Variants in TCF7L2 observed in about 807,000 individuals in gnomAD.
TCF7L2 encodes the protein transcription factor 7-like 2.
A neutral mutation model predicts 77.9 loss-of-function variants in TCF7L2; 23 were observed. The observed-to-expected ratio is 0.30, with a 90% CI of 0.21 to 0.42. The LOEUF is 0.42. Ranked by LOEUF, TCF7L2 falls within the 10% of genes least tolerant of loss-of-function variation. The pLI is 1.00. For synonymous variants in TCF7L2, 413 were observed against 340.2 expected (o/e 1.21, Z -2.36); for missense variants, 654 against 793.1 (o/e 0.82, Z 2.11).
At chr10:113,038,032 C>T (rs1159768834) in intron 4 of TCF7L2, among the ~76,000 whole-genome samples, 1 of 152,138 alleles carries the variant, frequency 6.6e-6, no homozygotes, top group Non-Finnish European at 1.5e-5. Flanking sequence ...GCCTGGGTTA[C>T]AGATGGAGAC....
chr10:113,103,700 A>G (rs1005587355), intron 5 of TCF7L2, among the ~76,000 whole-genome samples: 1 of 152,154 alleles, frequency 6.6e-6, no homozygotes, highest in African/African-American at 2.4e-5. Flanking sequence ...TTTCGTACTT[A>G]TTAATGGTAT....
chr10:113,024,190 C>G (rs1027535836), intron 4 of TCF7L2, among the ~76,000 whole-genome samples: 1 of 151,932 alleles, frequency 6.6e-6, no homozygotes, highest in African/African-American at 2.4e-5. Context: ...CCCAGCTACT[C>G]AAGAAGATGA....
chr10:113,014,103 G>C (rs2046927710), intron 4 of TCF7L2, among the ~76,000 whole-genome samples: 1 of 152,216 alleles, frequency 6.6e-6, no homozygotes, highest in South Asian at 2.1e-4. Flanking sequence ...CGCACCAAGG[G>C]CATGTGCCTC....
chr10:113,140,182 A>G (rs989503295), intron 5 of TCF7L2, among the ~76,000 whole-genome samples: 1 of 152,058 alleles, frequency 6.6e-6, no homozygotes, highest in Admixed American at 6.6e-5. Context: ...CGCTTGTTTC[A>G]GCTTAATTTT....
intron 4 of TCF7L2, among the ~76,000 whole-genome samples, chr10:112,972,918 C>T (rs2038595071): frequency 6.6e-6 from 1 of 152,152 alleles, no homozygotes; most frequent in Admixed American, 6.5e-5. Context: ...GATTCAAACC[C>T]AGACAGTGTG....
At chr10:113,086,811 G>A (rs1339533645) in intron 5 of TCF7L2, among the ~76,000 whole-genome samples, 1 of 151,582 alleles carries the variant, frequency 6.6e-6, no homozygotes, top group Non-Finnish European at 1.5e-5. Context: ...AAAAGATTCT[G>A]TAGTTGTATA....
intron 5 of TCF7L2, among the ~76,000 whole-genome samples, chr10:113,046,891 G>A (rs536914787): frequency 2.0e-5 from 3 of 152,082 alleles, no homozygotes; most frequent in Non-Finnish European, 4.4e-5. Flanking sequence ...ATTTATATTT[G>A]TTTTTAACAT....
intron 5 of TCF7L2, among the ~76,000 whole-genome samples, chr10:113,107,752 TAAAAAAA>T (rs398014821): frequency 1.8e-3 from 102 of 55,266 alleles, no homozygotes; most frequent in Admixed American, 0.014. Flanking sequence ...AGACTCCGTC[TAAAAAAA>T]AAAAAAAAAA....
chr10:113,078,901 C>T (rs1342361809), intron 5 of TCF7L2, among the ~76,000 whole-genome samples: 3 of 151,322 alleles, frequency 2.0e-5, no homozygotes, highest in Non-Finnish European at 4.4e-5. Context: ...GGTGTGATTT[C>T]ATCTCACTGC....
Position 112,950,746 on chromosome 10 carries a change from GT to G in TCF7L2, c.-10del, listed in dbSNP as rs1185049370. On this transcript the variant is annotated 5_prime_UTR_variant, in exon 1 of 14. Coordinates refer to ENST00000627217, the MANE Select transcript of TCF7L2 (RefSeq NM_001146274.2). Reference sequence around the variant, plus strand: ...TTTCTTCCAAAATTGCTGCTGGTGGGTGAAAAAAAAATGCCGCAGCTGAACG... The same window carrying G: ...TTTCTTCCAAAATTGCTGCTGGTGGGGAAAAAAAAATGCCGCAGCTGAACG... The G allele has an allele frequency of 6.4e-7, 1 of 1,550,470 alleles. No homozygotes were observed. Among genetic ancestry groups the G allele is most frequent in the Non-Finnish European group, 8.7e-7 (1 of 1,148,514 alleles).
intron 3 of TCF7L2, among the ~76,000 whole-genome samples, chr10:112,963,513 G>T (rs902660665): frequency 2.0e-5 from 3 of 152,202 alleles, no homozygotes; most frequent in Non-Finnish European, 4.4e-5. Context: ...TTGCAAGGAG[G>T]GGAAATGGAC....
chr10:113,126,633 A>G (rs1006441547), intron 5 of TCF7L2: 3 of 984,604 alleles, frequency 3.0e-6, no homozygotes, highest in Non-Finnish European at 3.6e-6. Context: ...GATCCCAGTT[A>G]TTGTGCTCTT....
At position 113,069,735 on chromosome 10, in the gene TCF7L2, C is replaced by T. The variant is rs552432273; in HGVS notation, c.552+29609C>T. 6.6e-5 allele frequency among the ~76,000 whole-genome samples: 10 copies of T among 152,262 alleles called. No homozygotes were observed. The East Asian group carries it at 7.7e-4, about 12-fold the overall frequency. Reference sequence around the variant, plus strand: ...TACAGTGTATTCATTGAGGGCCCCTCGCTGGATGTTTCAGCCACTCCCTCA... The same window carrying T: ...TACAGTGTATTCATTGAGGGCCCCTTGCTGGATGTTTCAGCCACTCCCTCA... On this transcript the variant is annotated intron_variant, in intron 5 of 13. Coordinates refer to ENST00000627217, the MANE Select transcript of TCF7L2 (RefSeq NM_001146274.2).
intron 4 of TCF7L2, among the ~76,000 whole-genome samples, chr10:113,025,429 G>T (rs892809887): frequency 2.0e-5 from 3 of 152,090 alleles, no homozygotes; most frequent in Non-Finnish European, 4.4e-5. Flanking sequence ...AGTAGGGTCG[G>T]AGTTTCACTG....
rs760964726 is a variant in TCF7L2 at position 113,105,625 on chromosome 10, G to C, written c.553-35559G>C. Among the ~76,000 whole-genome samples, 76 of 152,156 alleles carry C rather than the reference G, an allele frequency of 5.0e-4. 1 individual carries two copies. Among genetic ancestry groups the C allele is most frequent in the Non-Finnish European group, 9.8e-4 (67 of 68,030 alleles). On this transcript the variant is annotated intron_variant, in intron 5 of 13. Transcript: ENST00000627217. ...CAGGGAGGTGCCCCGCACCTCACCT[G>C]TCTAGTGGGGTTTCCCACCACACTT...
chr10:113,101,459 C>A (rs913272809), intron 5 of TCF7L2, among the ~76,000 whole-genome samples: 7 of 151,952 alleles, frequency 4.6e-5, no homozygotes, highest in Non-Finnish European at 4.4e-5. Context: ...AAGAGAATTT[C>A]TTGAGTCTAG....
intron 4 of TCF7L2, among the ~76,000 whole-genome samples, chr10:113,006,685 A>G (rs2045608903): frequency 6.6e-6 from 1 of 152,212 alleles, no homozygotes; most frequent in Non-Finnish European, 1.5e-5. Flanking sequence ...CTTCATATGC[A>G]TAGGATCATC....
intron 5 of TCF7L2, among the ~76,000 whole-genome samples, chr10:113,082,875 C>T (rs2059451141): frequency 6.6e-6 from 1 of 151,978 alleles, no homozygotes; most frequent in African/African-American, 2.4e-5. Context: ...AGCTGAGCCC[C>T]AGAAATTCAG....
At chr10:113,079,653 T>G (rs2059118779) in intron 5 of TCF7L2, among the ~76,000 whole-genome samples, 1 of 152,140 alleles carries the variant, frequency 6.6e-6, no homozygotes, top group African/African-American at 2.4e-5. Flanking sequence ...TTCTGGCAGA[T>G]GGACCCATCC....
Sources: allele counts gnomAD v4.1 joint callset (sites outside exome capture counted in the v4.1 genomes callset), GRCh38; gene constraint gnomAD v4.1.1; transcripts MANE v1.5; gene names NCBI Gene and HGNC (gene_info 2026-07-23, HGNC 2026-07-21).